CHCHD3: variants seen among roughly 807,000 people sequenced by gnomAD.
The protein encoded by CHCHD3 is coiled-coil-helix-coiled-coil-helix domain containing 3.
CHCHD3 carries 20 observed loss-of-function variants against 38.2 expected under a neutral mutation model. The observed-to-expected ratio is 0.52, with a 90% CI of 0.37 to 0.76. The LOEUF (loss-of-function observed/expected upper bound fraction) is 0.76. CHCHD3 is among the 30% of genes least tolerant of loss of function. The pLI, the probability that CHCHD3 is intolerant of heterozygous loss-of-function variation, is 0.00. For synonymous variants in CHCHD3, 82 were observed against 100.0 expected, an observed-to-expected ratio of 0.82 and a Z score of 1.07; for missense variants, 245 against 279.2, an observed-to-expected ratio of 0.88 and a Z score of 0.87.
chr7:132,911,750 C>A (rs536945264), intron 4 of CHCHD3, among the ~76,000 whole-genome samples: 1 of 152,192 alleles, frequency 6.6e-6, no homozygotes, highest in Non-Finnish European at 1.5e-5. Context: ...CATAACCCTT[C>A]TTTTATCATC....
At chr7:132,927,946 A>G (rs958766872) in intron 4 of CHCHD3, among the ~76,000 whole-genome samples, 26 of 152,196 alleles carry the variant, frequency 1.7e-4, no homozygotes, top group Admixed American at 5.9e-4. Flanking sequence ...CATACAAAAA[A>G]AATTGATTTA....
intron 6 of CHCHD3, among the ~76,000 whole-genome samples, chr7:132,822,864 C>A (rs1807420904): frequency 1.3e-5 from 2 of 151,172 alleles, no homozygotes; most frequent in African/African-American, 4.9e-5. Context: ...AAACCAAAAC[C>A]AATCACTTGA....
intron 4 of CHCHD3, among the ~76,000 whole-genome samples, chr7:132,889,359 C>T (rs892354210): frequency 6.6e-6 from 1 of 151,842 alleles, no homozygotes; most frequent in Non-Finnish European, 1.5e-5. Flanking sequence ...ATGGATATTC[C>T]ATTATCATTA....
chr7:133,047,494 G>T (rs1814029447), intron 2 of CHCHD3, among the ~76,000 whole-genome samples: 1 of 152,190 alleles, frequency 6.6e-6, no homozygotes, highest in Non-Finnish European at 1.5e-5. Context: ...CGAGTCTCAT[G>T]ACTTTGTCCT....
At chr7:132,954,973 C>T (rs138069805) in intron 4 of CHCHD3, among the ~76,000 whole-genome samples, 2 of 152,248 alleles carry the variant, frequency 1.3e-5, no homozygotes, top group African/African-American at 4.8e-5. Flanking sequence ...AGATGGGTTT[C>T]CTCTCTGAGC....
chr7:132,977,805 T>C (rs1233939870), intron 3 of CHCHD3, among the ~76,000 whole-genome samples: 1 of 152,212 alleles, frequency 6.6e-6, no homozygotes, highest in East Asian at 1.9e-4. Flanking sequence ...TTTACTTATG[T>C]ATGGCTTAGA....
chr7:133,073,710 G>T (rs1814895456), intron 1 of CHCHD3, among the ~76,000 whole-genome samples: 1 of 152,014 alleles, frequency 6.6e-6, no homozygotes, highest in Non-Finnish European at 1.5e-5. Flanking sequence ...CCTAATTCCT[G>T]TACCATCCGC....
intron 3 of CHCHD3, among the ~76,000 whole-genome samples, chr7:132,984,045 T>TCCCCACGGTCTCCCTCC: frequency 6.6e-6 from 1 of 150,776 alleles, no homozygotes; most frequent in Non-Finnish European, 1.5e-5. Flanking sequence ...GGTCTCCCTC[T>TCCCCACGGTCTCCCTCC]CCCCATGGTC....
At chr7:132,898,632 G>A (rs1188185867) in intron 4 of CHCHD3, among the ~76,000 whole-genome samples, 1 of 152,248 alleles carries the variant, frequency 6.6e-6, no homozygotes, top group Non-Finnish European at 1.5e-5. Flanking sequence ...GGTGGTCGAT[G>A]GGACTGGGCG....
chr7:132,969,766 A>G (rs1811565494), intron 4 of CHCHD3, among the ~76,000 whole-genome samples: 1 of 152,168 alleles, frequency 6.6e-6, no homozygotes, highest in African/African-American at 2.4e-5. Context: ...GCTTCCAGCC[A>G]TTTCCTCCTC....
intron 4 of CHCHD3, among the ~76,000 whole-genome samples, chr7:132,936,846 G>GCCC (rs1211358248): frequency 6.6e-6 from 1 of 152,146 alleles, no homozygotes. Flanking sequence ...CATGCTTGAA[G>GCCC]CCCCCATTGC....
chr7:132,914,121 G>GGA, intron 4 of CHCHD3, among the ~76,000 whole-genome samples: 1 of 114,016 alleles, frequency 8.8e-6, no homozygotes, highest in Admixed American at 9.7e-5. Flanking sequence ...CACCATGCCT[G>GGA]GCGTGTGTGT....
At chr7:132,862,355 T>A (rs745578743) in intron 5 of CHCHD3, among the ~76,000 whole-genome samples, 3 of 152,252 alleles carry the variant, frequency 2.0e-5, no homozygotes, top group Non-Finnish European at 4.4e-5. Context: ...AAGTGAGTCA[T>A]GCAAACTTTT....
Position 132,796,548 on chromosome 7 carries a change from T to A in CHCHD3, c.554A>T (p.Asp185Val), listed in dbSNP as rs1363511421. The change falls in exon 7 of 8, where the codon GAT becomes GTT. Residue 185 changes from aspartate to valine, a missense_variant. Asp to Val is a radical substitution (Grantham distance 152, BLOSUM62 -3). Transcript: ENST00000262570. ...ACACTGAAGAATTTTGGCCTGCAGA[T>A]CAGCACAGACTGGATGAGACTCATA... ...KRYESHPVCADLQAKILQCYR... is the reference protein window; with the variant it reads ...KRYESHPVCAVLQAKILQCYR... 9 of 1,613,846 alleles carry A rather than the reference T, an allele frequency of 5.6e-6. No individual in the cohort carries two copies. The highest frequency in any genetic ancestry group is 5.9e-6 in the Non-Finnish European group (7 of 1,179,844).
intron 4 of CHCHD3, among the ~76,000 whole-genome samples, chr7:132,948,568 T>A (rs1354373647): frequency 1.3e-5 from 2 of 152,210 alleles, no homozygotes; most frequent in East Asian, 3.9e-4. Flanking sequence ...GCAGGGATGT[T>A]TATTACCAAC....
At chr7:132,791,865 C>T (rs1214458620) in intron 7 of CHCHD3, among the ~76,000 whole-genome samples, 1 of 152,118 alleles carries the variant, frequency 6.6e-6, no homozygotes, top group Non-Finnish European at 1.5e-5. Context: ...GGGTCCTGAC[C>T]CCAAGTTCCT....
intron 5 of CHCHD3, among the ~76,000 whole-genome samples, chr7:132,879,586 G>A (rs1343249576): frequency 1.3e-5 from 2 of 151,714 alleles, no homozygotes; most frequent in African/African-American, 2.4e-5. Flanking sequence ...TCTATGACAC[G>A]ATAACCACGG....
At chr7:132,886,743 T>C (rs1809227765) in intron 4 of CHCHD3, among the ~76,000 whole-genome samples, 1 of 151,630 alleles carries the variant, frequency 6.6e-6, no homozygotes, top group Admixed American at 6.6e-5. Context: ...ACAAAGTATA[T>C]ATATTACTTT....
At chr7:133,041,322 C>G (rs1813831006) in intron 2 of CHCHD3, among the ~76,000 whole-genome samples, 1 of 152,154 alleles carries the variant, frequency 6.6e-6, no homozygotes, top group Non-Finnish European at 1.5e-5. Flanking sequence ...ACTCAAATTT[C>G]AAATAACAAG....
Sources: allele counts gnomAD v4.1 joint callset (sites outside exome capture counted in the v4.1 genomes callset), GRCh38; gene constraint gnomAD v4.1.1; transcripts MANE v1.5; gene names NCBI Gene and HGNC (gene_info 2026-07-23, HGNC 2026-07-21).